Variants in DST observed in about 807,000 individuals in gnomAD.
DST encodes bullous pemphigoid antigen.
A neutral mutation model predicts 875.2 loss-of-function variants in DST; 253 were observed. The observed-to-expected ratio is 0.29, with a 90% CI of 0.26 to 0.32. The LOEUF is 0.32. Ranked by LOEUF, DST falls within the 10% of genes least tolerant of loss-of-function variation. DST has a pLI of 1.00. For synonymous variants in DST, 3,124 were observed against 3,197.1 expected (o/e 0.98, Z 0.77); for missense variants, 8,287 against 9,111.6 (o/e 0.91, Z 3.68).
intron 80 of DST, among the ~76,000 whole-genome samples, chr6:56,498,763 T>C (rs1432782525): frequency 2.0e-5 from 3 of 152,168 alleles, no homozygotes; most frequent in Non-Finnish European, 4.4e-5. Context: ...TCTTCTCTCA[T>C]ACGAGGGGTC....
At chr6:56,679,327 G>C (rs556592324) in intron 9 of DST, among the ~76,000 whole-genome samples, 43 of 152,090 alleles carry the variant, frequency 2.8e-4, no homozygotes, top group Admixed American at 2.0e-3. Context: ...ATGTCTACCA[G>C]AGAAAAGCAT....
At chr6:56,567,244 C>A (rs559641861) in intron 55 of DST, among the ~76,000 whole-genome samples, 1 of 152,052 alleles carries the variant, frequency 6.6e-6, no homozygotes, top group African/African-American at 2.4e-5. Context: ...GGCTATGTAT[C>A]CAAAACACAA....
chr6:56,778,828 G>T (rs2099685495), intron 4 of DST, among the ~76,000 whole-genome samples: 1 of 151,880 alleles, frequency 6.6e-6, no homozygotes, highest in African/African-American at 2.4e-5. Flanking sequence ...GTTGTGAGTA[G>T]AGCTGCAATA....
intron 26 of DST, 61 bp from the exon 27 acceptor site, chr6:56,634,319 A>T (rs2098807881): frequency 6.2e-7 from 1 of 1,611,978 alleles, no homozygotes; most frequent in South Asian, 1.1e-5. Flanking sequence ...ACACACTGCA[A>T]TTTTTCTTTT....
intron 45 of DST, among the ~76,000 whole-genome samples, chr6:56,599,190 G>A (rs1023764138): frequency 4.6e-5 from 7 of 151,892 alleles, no homozygotes; most frequent in Non-Finnish European, 1.0e-4. Context: ...TTGCTTCTTT[G>A]CCTAGCTGCT....
intron 80 of DST, among the ~76,000 whole-genome samples, chr6:56,500,583 A>G (rs1415828032): frequency 1.3e-5 from 2 of 152,214 alleles, no homozygotes; most frequent in East Asian, 3.8e-4. Flanking sequence ...CCCCAACATA[A>G]GAAGAGATGT....
chr6:56,622,660 T>C (rs954157596), intron 36 of DST, among the ~76,000 whole-genome samples: 1 of 151,918 alleles, frequency 6.6e-6, no homozygotes, highest in African/African-American at 2.4e-5. Context: ...TTTAGTCCAA[T>C]TGCTGACTTG....
At chr6:56,705,026 T>C (rs553758537) in intron 5 of DST, among the ~76,000 whole-genome samples, 19 of 152,294 alleles carry the variant, frequency 1.2e-4, no homozygotes, top group African/African-American at 4.3e-4. Context: ...TACAATAGCT[T>C]TCCCCGTTCC....
At chr6:56,523,375 C>G (rs1414680223) in intron 69 of DST, among the ~76,000 whole-genome samples, 1 of 152,106 alleles carries the variant, frequency 6.6e-6, no homozygotes, top group South Asian at 2.1e-4. Context: ...CTAACCCTGT[C>G]AAATCAAAAC....
intron 75 of DST, among the ~76,000 whole-genome samples, chr6:56,508,213 T>G (rs2096386395): frequency 6.6e-6 from 1 of 152,106 alleles, no homozygotes; most frequent in Non-Finnish European, 1.5e-5. Flanking sequence ...TTTGTACTTT[T>G]AGTAGAGACA....
chr6:56,784,544 C>T (rs530626830), intron 4 of DST, among the ~76,000 whole-genome samples: 4 of 152,322 alleles, frequency 2.6e-5, no homozygotes, highest in South Asian at 4.1e-4. Context: ...GCATTCTTCA[C>T]GTAGTTCTCG....
At chr6:56,847,932 T>G (rs542890686) in intron 4 of DST, among the ~76,000 whole-genome samples, 18 of 152,372 alleles carry the variant, frequency 1.2e-4, no homozygotes, top group African/African-American at 4.1e-4. Flanking sequence ...GGCACCATAC[T>G]GCAAGTATTT....
chr6:56,568,403 T>C lies in DST; in HGVS notation c.14005+66A>G. ...TTATGCATTAATTTAAAAAATAACA[T>C]ACACAAAATTGACATGAGTAAACCT... is the stretch of plus-strand genomic sequence containing the variant. On this transcript the variant is annotated intron_variant, in intron 55 of 103. Coordinates refer to ENST00000680361, the MANE Select transcript of DST (RefSeq NM_001374736.1). 10 of 1,511,226 alleles carry C rather than the reference T, an allele frequency of 6.6e-6. 2 individuals are homozygous for C. In the South Asian group the frequency reaches 1.3e-4, roughly 19 times the overall value. The allele number at this position is 1,511,226 out of a possible 1,614,324, so 93.6% of individuals were successfully genotyped here. A position where few individuals can be genotyped will look rare whatever the true frequency, so the allele number is the denominator to read the frequency against.
chr6:56,792,951 C>T (rs1317545020), intron 4 of DST, among the ~76,000 whole-genome samples: 1 of 151,642 alleles, frequency 6.6e-6, no homozygotes, highest in African/African-American at 2.4e-5. Flanking sequence ...TACCTGTAGT[C>T]CCAGCTACTC....
At chr6:56,622,608 C>G (rs2098701228) in intron 36 of DST, among the ~76,000 whole-genome samples, 2 of 144,216 alleles carry the variant, frequency 1.4e-5, no homozygotes, top group African/African-American at 5.1e-5. Flanking sequence ...CATGTTGTCT[C>G]TTGACTTTTT....
intron 27 of DST, 77 bp from the exon 28 acceptor site, chr6:56,633,114 G>T: frequency 8.8e-7 from 1 of 1,131,316 alleles, no homozygotes; most frequent in Non-Finnish European, 1.3e-6. Context: ...AACTGGTCGT[G>T]TGGTATATGC....
intron 51 of DST, among the ~76,000 whole-genome samples, chr6:56,573,349 C>G (rs967669676): frequency 1.3e-5 from 2 of 152,178 alleles, no homozygotes; most frequent in African/African-American, 4.8e-5. Context: ...AGCCATGGTC[C>G]TAATTCTTAA....
chr6:56,603,112 A>G (rs2098460659), intron 42 of DST, 81 bp from the exon 43 acceptor site: 6 of 1,528,526 alleles, frequency 3.9e-6, no homozygotes, highest in Non-Finnish European at 2.7e-6. Flanking sequence ...TTTAAGAGTT[A>G]GCACTCTAAA....
chr6:56,631,784 G>A (rs879016742), intron 29 of DST, 99 bp downstream of exon 29: 29 of 1,080,816 alleles, frequency 2.7e-5, no homozygotes. Context: ...AGACTGGCTA[G>A]TGTGAGTGTG....
Sources: gnomAD v4.1 joint callset for allele counts (sites outside exome capture counted in the v4.1 genomes callset) on GRCh38, gnomAD v4.1.1 for gene constraint, MANE v1.5 for transcripts, NCBI Gene and HGNC (gene_info 2026-07-23, HGNC 2026-07-21) for gene names.